The following COL15A1 variants were observed in gnomAD, a reference collection of about 807,000 sequenced individuals.
COL15A1 encodes collagen type XV alpha 1 chain.
COL15A1 carries 111 observed loss-of-function variants against 165.9 expected under a neutral mutation model. The ratio of observed to expected loss-of-function variants is 0.67; its 90% CI spans 0.57 to 0.78. COL15A1 has a LOEUF of 0.78. Among genes scored for constraint, COL15A1 ranks in the 30% least tolerant of loss-of-function variants. The pLI is 0.00. For synonymous variants in COL15A1, 659 were observed against 674.8 expected, an observed-to-expected ratio of 0.98 and a Z score of 0.36; for missense variants, 1,745 against 1,789.7, an observed-to-expected ratio of 0.98 and a Z score of 0.45.
chr9:99,003,697 G>A (rs1274767159), intron 8 of COL15A1, 110 bp downstream of exon 8: 2 of 1,203,372 alleles, frequency 1.7e-6, no homozygotes, highest in Non-Finnish European at 2.2e-6. Context: ...CACAGTGACA[G>A]TCTCATGGGG....
At chr9:99,014,933 G>A (rs961283268) in intron 9 of COL15A1, among the ~76,000 whole-genome samples, 1 of 152,300 alleles carries the variant, frequency 6.6e-6, no homozygotes. Flanking sequence ...AATCAGATAT[G>A]CATTTATCTC....
intron 5 of COL15A1, among the ~76,000 whole-genome samples, chr9:98,995,109 C>T (rs1838521658): frequency 6.6e-6 from 1 of 152,206 alleles, no homozygotes; most frequent in African/African-American, 2.4e-5. Context: ...CATTCAGGGG[C>T]TTGAGCATTG....
At chr9:99,047,733 C>T (rs1390465367) in intron 26 of COL15A1, 53 bp from the exon 27 acceptor site, 2 of 1,598,398 alleles carry the variant, frequency 1.3e-6, no homozygotes, top group Non-Finnish European at 1.7e-6. Context: ...TCCTCATTTC[C>T]CTGAACCAAG....
chr9:98,978,772 C>T (rs1419989118), intron 2 of COL15A1, among the ~76,000 whole-genome samples: 1 of 152,038 alleles, frequency 6.6e-6, no homozygotes, highest in Non-Finnish European at 1.5e-5. Context: ...ACTTTTCATA[C>T]CATGTATATG....
rs113429679 is a variant in COL15A1 at position 99,015,508 on chromosome 9, C to A, written c.1445C>A (p.Pro482His). 1.7e-5 allele frequency: 27 copies of A among 1,613,720 alleles called. No individual in the cohort carries two copies. The African/African-American group carries it at 2.5e-4, about 15-fold the overall frequency. The change falls in exon 10 of 42, where the codon CCC (proline) becomes CAC (histidine). Residue 482 changes from proline to histidine, a missense_variant. Pro to His is a moderately conservative substitution (Grantham distance 77). Coordinates refer to ENST00000375001, the MANE Select transcript of COL15A1 (RefSeq NM_001855.5). ...GAGGATGAGGAAGCCAGTGGGGTCCCCACAGATGGCCTGGCTCCCCTCACA... is the reference window on the plus strand; with the variant it reads ...GAGGATGAGGAAGCCAGTGGGGTCCACACAGATGGCCTGGCTCCCCTCACA... Reference protein sequence around the residue: ...TFEDEEASGVPTDGLAPLTAT... With the variant: ...TFEDEEASGVHTDGLAPLTAT...
At chr9:99,018,348 C>T (rs1838971544) in intron 11 of COL15A1, among the ~76,000 whole-genome samples, 1 of 152,154 alleles carries the variant, frequency 6.6e-6, no homozygotes, top group African/African-American at 2.4e-5. Context: ...CTTCCTTAGA[C>T]CCTTGATGTT....
chr9:98,951,675 C>T (rs771870186), intron 2 of COL15A1, among the ~76,000 whole-genome samples: 8 of 152,184 alleles, frequency 5.3e-5, no homozygotes, highest in Non-Finnish European at 1.2e-4. Flanking sequence ...AGGGATCCTC[C>T]TTCCTCAGCC....
chr9:98,955,032 C>A (rs1837752870), intron 2 of COL15A1, among the ~76,000 whole-genome samples: 1 of 152,234 alleles, frequency 6.6e-6, no homozygotes, highest in Admixed American at 6.5e-5. Context: ...CCTTGATGGT[C>A]ATCAGGCCTC....
At chr9:99,046,834 C>T (rs1465081984) in intron 26 of COL15A1, among the ~76,000 whole-genome samples, 1 of 152,210 alleles carries the variant, frequency 6.6e-6, no homozygotes, top group African/African-American at 2.4e-5. Context: ...AACATACCAA[C>T]CAAGTGGCCT....
intron 30 of COL15A1, among the ~76,000 whole-genome samples, chr9:99,051,590 G>A (rs1177614321): frequency 1.3e-5 from 2 of 152,126 alleles, no homozygotes; most frequent in Non-Finnish European, 2.9e-5. Flanking sequence ...TAACAGCTTG[G>A]AGCTGCAACT....
rs541014832 is a variant in COL15A1, at chr9:99,049,701, C to T, written c.2805C>T (p.Gly935=). ...DPGVIMQGPP[G]LPGPPGPPGP... is the part of the protein sequence containing the mutation. ...TTTTCTTCCTTCAGGGCCCACCTGG[C>T]TTACCTGGCCCTCCAGGCCCCCCTG... Residue 935 remains glycine (G), a synonymous_variant, in exon 29 of 42, where the codon GGC becomes GGT. Transcript: ENST00000375001. 4.3e-5 allele frequency: 70 copies of T among 1,613,574 alleles called. 1 individual carries two copies. The South Asian group carries it at 7.4e-4, about 17-fold the overall frequency.
intron 9 of COL15A1, among the ~76,000 whole-genome samples, chr9:99,005,703 T>C (rs945484427): frequency 1.3e-5 from 2 of 152,220 alleles, no homozygotes; most frequent in Non-Finnish European, 2.9e-5. Context: ...TCAAGTCTTG[T>C]TGATTTTTCT....
intron 14 of COL15A1, 48 bp downstream of exon 14, chr9:99,023,497 A>G: frequency 3.3e-6 from 3 of 904,292 alleles, no homozygotes; most frequent in Non-Finnish European, 3.7e-6. Context: ...TGCCTTCAAA[A>G]TAACCCCAGA....
chr9:98,962,977 G>A (rs1359842901), intron 2 of COL15A1, among the ~76,000 whole-genome samples: 1 of 152,178 alleles, frequency 6.6e-6, no homozygotes, highest in African/African-American at 2.4e-5. Context: ...TGTGTTGATG[G>A]CCATGAGAAG....
intron 2 of COL15A1, among the ~76,000 whole-genome samples, chr9:98,970,639 A>AT (rs1472695029): frequency 2.0e-5 from 3 of 152,192 alleles, no homozygotes; most frequent in Non-Finnish European, 4.4e-5. Context: ...ATGAGACTTA[A>AT]TGGAACCCAA....
At chr9:99,067,109 G>A in intron 40 of COL15A1, 42 bp downstream of exon 40, 7 of 1,546,164 alleles carry the variant, frequency 4.5e-6, no homozygotes, top group Non-Finnish European at 6.2e-6. Context: ...GCATGCATTG[G>A]TCGCTACAGG....
intron 16 of COL15A1, among the ~76,000 whole-genome samples, chr9:99,026,542 T>C (rs1234387680): frequency 6.6e-6 from 1 of 152,238 alleles, no homozygotes; most frequent in Non-Finnish European, 1.5e-5. Context: ...CCTTCCTGAT[T>C]CGCACAAGCT....
chr9:98,996,417 T>C (rs1381638749), intron 5 of COL15A1, among the ~76,000 whole-genome samples: 2 of 152,232 alleles, frequency 1.3e-5, no homozygotes, highest in African/African-American at 2.4e-5. Flanking sequence ...TGCTTTTCTC[T>C]AGTTGGTAAT....
intron 11 of COL15A1, among the ~76,000 whole-genome samples, chr9:99,018,073 T>C (rs1838967495): frequency 6.6e-6 from 1 of 152,210 alleles, no homozygotes; most frequent in Non-Finnish European, 1.5e-5. Flanking sequence ...GTATGGCTGA[T>C]AGAGTGATCT....
Sources: gnomAD v4.1 joint callset for allele counts (sites outside exome capture counted in the v4.1 genomes callset) on GRCh38, gnomAD v4.1.1 for gene constraint, MANE v1.5 for transcripts, NCBI Gene and HGNC (gene_info 2026-07-23, HGNC 2026-07-21) for gene names.